Variants in XKR6 observed in about 807,000 individuals in gnomAD.
XKR6 encodes XK-related protein 6.
In XKR6, 22 loss-of-function variants were observed where a neutral mutation model predicts 56.7. The ratio of observed to expected loss-of-function variants is 0.39; its 90% CI spans 0.28 to 0.55. The LOEUF (loss-of-function observed/expected upper bound fraction) is 0.55. XKR6 is among the 20% of genes least tolerant of loss of function. XKR6 has a pLI of 0.66. For missense variants in XKR6, 852 were observed against 889.0 expected, an observed-to-expected ratio of 0.96 and a Z score of 0.53; for synonymous variants, 524 against 387.8, an observed-to-expected ratio of 1.35 and a Z score of -4.13.
intron 1 of XKR6, among the ~76,000 whole-genome samples, chr8:11,055,166 G>C (rs144068779): frequency 4.6e-5 from 7 of 152,324 alleles, no homozygotes; most frequent in African/African-American, 1.2e-4. Context: ...AGTTTTCCAG[G>C]AAGTGAGAGA....
intron 1 of XKR6, among the ~76,000 whole-genome samples, chr8:11,197,267 G>A (rs1478865844): frequency 2.0e-5 from 3 of 152,216 alleles, no homozygotes; most frequent in Admixed American, 1.3e-4. Context: ...GGAGATTAAT[G>A]ATGTGGCCAT....
intron 1 of XKR6, among the ~76,000 whole-genome samples, chr8:10,926,647 G>A (rs1329062587): frequency 2.0e-5 from 3 of 152,256 alleles, no homozygotes; most frequent in South Asian, 4.1e-4. Context: ...GTCTCTTGGG[G>A]TCCCTGGCCC....
rs1327269759 is a variant in XKR6, at chr8:10,936,150, T to C, written c.765-11320A>G. On this transcript the variant is annotated intron_variant, in intron 1 of 2. Coordinates refer to ENST00000416569, the MANE Select transcript of XKR6 (RefSeq NM_173683.4). Reference sequence around the variant, plus strand: ...TGTTGAATTGATCCCTTTACCATTATGTAATGGCCTTCTTTGTCTCTTTTG... The same window carrying C: ...TGTTGAATTGATCCCTTTACCATTACGTAATGGCCTTCTTTGTCTCTTTTG... Among the ~76,000 whole-genome samples, 8 of 149,670 alleles carry C rather than the reference T, an allele frequency of 5.3e-5. No homozygotes were observed. In the South Asian group the frequency reaches 1.3e-3, roughly 24 times the overall value.
intron 1 of XKR6, among the ~76,000 whole-genome samples, chr8:11,170,952 C>A (rs1802336348): frequency 6.6e-6 from 1 of 152,212 alleles, no homozygotes; most frequent in Non-Finnish European, 1.5e-5. Context: ...ATACTCTGTT[C>A]TATCACCCTT....
chr8:11,111,837 A>G (rs1798911751), intron 1 of XKR6: 1 of 152,212 alleles, frequency 6.6e-6, no homozygotes, highest in Non-Finnish European at 1.5e-5. Flanking sequence ...TGTCCAATAT[A>G]TTGAACTTAG....
At chr8:11,076,931 C>A (rs979719157) in intron 1 of XKR6, among the ~76,000 whole-genome samples, 1 of 152,202 alleles carries the variant, frequency 6.6e-6, no homozygotes, top group African/African-American at 2.4e-5. Flanking sequence ...AATCCCAGCA[C>A]TTTGGAGGCT....
Position 11,100,579 on chromosome 8 carries a change from G to C in XKR6, c.764+99997C>G, listed in dbSNP as rs148165757. Among the ~76,000 whole-genome samples, 563 of 152,314 alleles carry C rather than the reference G, an allele frequency of 3.7e-3. 4 individuals carry two copies. The highest frequency in any genetic ancestry group is 0.011 in the African/African-American group (465 of 41,560). Reference sequence around the variant, plus strand: ...AACTGTAAGTGTGCAAGTCCAATCAGACCACTTCCAGAAGGTGCTTTCCCC... The same window carrying C: ...AACTGTAAGTGTGCAAGTCCAATCACACCACTTCCAGAAGGTGCTTTCCCC... On this transcript the variant is annotated intron_variant, in intron 1 of 2. Transcript: ENST00000416569.
At chr8:11,069,534 A>G (rs895689820) in intron 1 of XKR6, among the ~76,000 whole-genome samples, 4 of 152,086 alleles carry the variant, frequency 2.6e-5, no homozygotes, top group African/African-American at 9.7e-5. Flanking sequence ...GACCCTCATG[A>G]TGGGTCATGT....
intron 1 of XKR6, among the ~76,000 whole-genome samples, chr8:10,987,854 G>A (rs1797898059): frequency 6.6e-6 from 1 of 152,156 alleles, no homozygotes; most frequent in Admixed American, 6.5e-5. Flanking sequence ...GCAAGCTCCT[G>A]CCATGGCTCT....
intron 1 of XKR6, among the ~76,000 whole-genome samples, chr8:11,095,795 G>A (rs73545431): frequency 0.052 from 7,883 of 152,216 alleles, 714 homozygotes; most frequent in African/African-American, 0.18. Context: ...AAGCTCAAAC[G>A]GGTGATTCTG....
intron 1 of XKR6, among the ~76,000 whole-genome samples, chr8:10,948,661 C>A (rs1801622855): frequency 6.6e-6 from 1 of 152,152 alleles, no homozygotes; most frequent in African/African-American, 2.4e-5. Flanking sequence ...CCCCGCAGGA[C>A]CCGGTCTGTC....
intron 1 of XKR6, among the ~76,000 whole-genome samples, chr8:11,071,991 A>G (rs1187869733): frequency 1.3e-5 from 2 of 151,966 alleles, no homozygotes; most frequent in Non-Finnish European, 2.9e-5. Context: ...CAGCCAAGAT[A>G]AATACATAGA....
At chr8:10,983,375 A>G (rs1797779188) in intron 1 of XKR6, among the ~76,000 whole-genome samples, 1 of 152,158 alleles carries the variant, frequency 6.6e-6, no homozygotes, top group East Asian at 1.9e-4. Flanking sequence ...GAAGCCTGCA[A>G]GGCCTATTTG....
chr8:11,183,934 C>G (rs1280165442), intron 1 of XKR6, among the ~76,000 whole-genome samples: 1 of 152,144 alleles, frequency 6.6e-6, no homozygotes, highest in Non-Finnish European at 1.5e-5. Context: ...ACAATGCCAA[C>G]AAGTCAGGAC....
intron 1 of XKR6, among the ~76,000 whole-genome samples, chr8:11,049,251 T>C (rs1342792687): frequency 6.6e-6 from 1 of 152,232 alleles, no homozygotes; most frequent in Non-Finnish European, 1.5e-5. Context: ...TGAAACCTGC[T>C]CTTGGCATCT....
intron 1 of XKR6, among the ~76,000 whole-genome samples, chr8:11,114,255 C>T (rs755192401): frequency 1.3e-5 from 2 of 152,114 alleles, no homozygotes; most frequent in East Asian, 1.9e-4. Flanking sequence ...GAGTGGTGCC[C>T]GTCTTATCCT....
chr8:11,085,640 G>A (rs748608491), intron 1 of XKR6, among the ~76,000 whole-genome samples: 1 of 152,146 alleles, frequency 6.6e-6, no homozygotes, highest in Non-Finnish European at 1.5e-5. Flanking sequence ...AAGAATGCCC[G>A]CCATAGGATG....
At chr8:11,055,403 G>A (rs1799656241) in intron 1 of XKR6, among the ~76,000 whole-genome samples, 1 of 152,194 alleles carries the variant, frequency 6.6e-6, no homozygotes, top group Non-Finnish European at 1.5e-5. Context: ...GGAGTAAGCA[G>A]GCCAAGGCCA....
At chr8:11,036,821 C>T (rs914303071) in intron 1 of XKR6, among the ~76,000 whole-genome samples, 1 of 152,222 alleles carries the variant, frequency 6.6e-6, no homozygotes, top group Non-Finnish European at 1.5e-5. Context: ...AGACTTAGGT[C>T]ACGCTTTCAT....
Sources: gnomAD v4.1 joint callset for allele counts (sites outside exome capture counted in the v4.1 genomes callset) on GRCh38, gnomAD v4.1.1 for gene constraint, MANE v1.5 for transcripts, NCBI Gene and HGNC (gene_info 2026-07-23, HGNC 2026-07-21) for gene names.